The following GMPR variants were observed in gnomAD, a reference collection of about 807,000 sequenced individuals.
GMPR encodes the protein guanosine monophosphate reductase.
A neutral mutation model predicts 38.4 loss-of-function variants in GMPR; 31 were observed. The observed-to-expected ratio is 0.81, with a 90% CI of 0.61 to 1.09. The LOEUF is 1.09. GMPR is among the 50% of genes least tolerant of loss of function. The probability of loss-of-function intolerance (pLI) is 0.00; values close to 1 mark genes in which losing one functional copy is unlikely to be tolerated. For missense variants in GMPR, 468 were observed against 453.7 expected (o/e 1.03, Z -0.29); for synonymous variants, 162 against 173.3 (o/e 0.93, Z 0.51).
At chr6:16,254,931 A>G (rs1758946267) in intron 4 of GMPR, among the ~76,000 whole-genome samples, 196 bp downstream of exon 4, 1 of 152,188 alleles carries the variant, frequency 6.6e-6, no homozygotes. Context: ...TCTATAAAAA[A>G]TAAAATCCCC....
At chr6:16,249,547 T>A (rs73362614) in intron 2 of GMPR, among the ~76,000 whole-genome samples, 9,559 of 152,264 alleles carry the variant, frequency 0.063, 608 homozygotes, top group African/African-American at 0.17. Flanking sequence ...GGTCTCAAAC[T>A]CCTGGGCTTA....
At chr6:16,266,979 C>G (rs552946930) in intron 4 of GMPR, among the ~76,000 whole-genome samples, 5 of 151,608 alleles carry the variant, frequency 3.3e-5, no homozygotes, top group African/African-American at 1.2e-4. Flanking sequence ...CATGAACCCA[C>G]GAGGAGGAAC....
intron 8 of GMPR, among the ~76,000 whole-genome samples, chr6:16,292,410 C>T (rs1364140963): frequency 1.3e-5 from 2 of 151,812 alleles, no homozygotes; most frequent in African/African-American, 4.8e-5. Flanking sequence ...GTGGTGAACC[C>T]CAATAAAGAT....
intron 5 of GMPR, among the ~76,000 whole-genome samples, chr6:16,277,568 T>G (rs1306383859): frequency 6.6e-6 from 1 of 152,238 alleles, no homozygotes; most frequent in Non-Finnish European, 1.5e-5. Context: ...AGTCCACACA[T>G]TCTTTCAGTG....
intron 6 of GMPR, among the ~76,000 whole-genome samples, chr6:16,279,812 G>C (rs989994724): frequency 6.6e-6 from 1 of 152,222 alleles, no homozygotes; most frequent in African/African-American, 2.4e-5. Flanking sequence ...ACTTCTCCAA[G>C]AGCACTAGGG....
intron 4 of GMPR, chr6:16,258,966 C>G (rs1300213598): frequency 6.6e-6 from 1 of 152,196 alleles, no homozygotes; most frequent in Non-Finnish European, 1.5e-5. Context: ...GAGGGCTTGT[C>G]GCTCCCTGTG....
Position 16,295,270 on chromosome 6 carries a change from G to A in GMPR, c.*84G>A. The A allele has an allele frequency of 1.0e-6, 1 of 1,004,618 alleles. No homozygotes were observed. Among genetic ancestry groups the A allele is most frequent in the Non-Finnish European group, 1.4e-6 (1 of 719,600 alleles). 62.2% of individuals were successfully genotyped at this position (1,004,618 alleles called of 1,614,324 possible). ...CTCCCCCCAAGTCTGTTCCGTCAGAGCTTCTGGCTGCTCCTGAATGGTGGA... is the reference window on the plus strand; with the variant it reads ...CTCCCCCCAAGTCTGTTCCGTCAGAACTTCTGGCTGCTCCTGAATGGTGGA... On this transcript the variant is annotated 3_prime_UTR_variant, in exon 9 of 9. Coordinates refer to ENST00000259727, the MANE Select transcript of GMPR (RefSeq NM_006877.4).
chr6:16,282,933 C>T lies in GMPR; in HGVS notation c.655-2860C>T, dbSNP rs142694047. On this transcript the variant is annotated intron_variant, in intron 6 of 8. Transcript: ENST00000259727. Reference sequence around the variant, plus strand: ...AAGTGATAGTCCTGCCTCAGCCTCCCGAGTAGCTGGGATTATAGGCATACG... The same window carrying T: ...AAGTGATAGTCCTGCCTCAGCCTCCTGAGTAGCTGGGATTATAGGCATACG... Among the ~76,000 whole-genome samples, 22 of 152,054 alleles carry T rather than the reference C, an allele frequency of 1.4e-4. No individual in the cohort carries two copies. In the East Asian group the frequency reaches 3.1e-3, roughly 21 times the overall value.
intron 1 of GMPR, among the ~76,000 whole-genome samples, chr6:16,242,167 G>C (rs889997972): frequency 6.6e-6 from 1 of 152,198 alleles, no homozygotes; most frequent in African/African-American, 2.4e-5. Flanking sequence ...CAGATGTTCA[G>C]TCTGCTTAAA....
chr6:16,292,606 G>A (rs888611710), intron 8 of GMPR, among the ~76,000 whole-genome samples: 5 of 152,094 alleles, frequency 3.3e-5, no homozygotes, highest in Non-Finnish European at 5.9e-5. Flanking sequence ...AAGAAGCTTC[G>A]TGCTTTACCA....
At chr6:16,240,698 A>C (rs9383139) in intron 1 of GMPR, among the ~76,000 whole-genome samples, 38,414 of 152,152 alleles carry the variant, frequency 0.25, 5,660 homozygotes, top group East Asian at 0.58. Flanking sequence ...TCATGCGACA[A>C]TGTCATGCAA....
rs1758583576 is a variant in GMPR, at chr6:16,238,662, T to C, written c.-32T>C. ...CCGCGCAGGCGCCCCCGCCCCGCCG[T>C]CGCCGCCGCCGCAGCCAGGAGCCGC... On this transcript the variant is annotated 5_prime_UTR_variant, in exon 1 of 9. Transcript: ENST00000259727. 2 of 1,167,556 alleles carry C rather than the reference T, an allele frequency of 1.7e-6. No individual in the cohort carries two copies. Among genetic ancestry groups the C allele is most frequent in the Admixed American group, 3.3e-5 (1 of 30,052 alleles). The allele number at this position is 1,167,556 out of a possible 1,614,324, so 72.3% of individuals were successfully genotyped here.
chr6:16,276,129 T>C (rs1273960544), intron 5 of GMPR, among the ~76,000 whole-genome samples: 1 of 152,008 alleles, frequency 6.6e-6, no homozygotes, highest in Non-Finnish European at 1.5e-5. Flanking sequence ...GTTGGGCGGG[T>C]GCTGTACAGG....
intron 3 of GMPR, among the ~76,000 whole-genome samples, chr6:16,252,860 G>A (rs1296025724): frequency 1.3e-5 from 2 of 152,182 alleles, no homozygotes; most frequent in Admixed American, 1.3e-4. Context: ...GAGAAGGCTG[G>A]AGTAAATATG....
chr6:16,273,429 G>A (rs550068963), intron 4 of GMPR, among the ~76,000 whole-genome samples: 2 of 152,292 alleles, frequency 1.3e-5, no homozygotes, highest in Non-Finnish European at 2.9e-5. Flanking sequence ...GGCTATTTTT[G>A]CACTCCTACA....
At chr6:16,288,186 C>T (rs1209519934) in intron 7 of GMPR, among the ~76,000 whole-genome samples, 1 of 152,274 alleles carries the variant, frequency 6.6e-6, no homozygotes, top group Non-Finnish European at 1.5e-5. Flanking sequence ...CGTCTCTGCA[C>T]TCTGGGAGCC....
At chr6:16,244,057 G>A (rs1023125965) in intron 1 of GMPR, among the ~76,000 whole-genome samples, 5 of 151,930 alleles carry the variant, frequency 3.3e-5, no homozygotes, top group Non-Finnish European at 5.9e-5. Context: ...CCGGCTCCCC[G>A]CTACCATGTT....
chr6:16,252,020 T>C (rs1156898624), intron 3 of GMPR, among the ~76,000 whole-genome samples: 2 of 152,228 alleles, frequency 1.3e-5, no homozygotes, highest in Non-Finnish European at 2.9e-5. Context: ...CGTACTGTTT[T>C]CAAGGTCTCA....
intron 2 of GMPR, among the ~76,000 whole-genome samples, chr6:16,247,495 C>T (rs903504994): frequency 6.6e-6 from 1 of 152,118 alleles, no homozygotes; most frequent in African/African-American, 2.4e-5. Context: ...CTGCCTCAGC[C>T]TCCCAAGTAG....
Sources: gnomAD v4.1 joint callset for allele counts (sites outside exome capture counted in the v4.1 genomes callset) on GRCh38, gnomAD v4.1.1 for gene constraint, MANE v1.5 for transcripts, NCBI Gene and HGNC (gene_info 2026-07-23, HGNC 2026-07-21) for gene names.